SPTLC2: variants seen among roughly 807,000 people sequenced by gnomAD.
SPTLC2 encodes the protein serine palmitoyltransferase long chain base subunit 2.
In SPTLC2, 21 loss-of-function variants were observed where a neutral mutation model predicts 62.0. The observed-to-expected ratio is 0.34, with a 90% CI of 0.24 to 0.49. The LOEUF is 0.49. Among genes scored for constraint, SPTLC2 ranks in the 20% least tolerant of loss-of-function variants. SPTLC2 has a pLI of 0.99. For synonymous variants in SPTLC2, 261 were observed against 261.8 expected, an observed-to-expected ratio of 1.00 and a Z score of 0.03; for missense variants, 511 against 713.0, an observed-to-expected ratio of 0.72 and a Z score of 3.23.
chr14:77,579,214 A>C (rs2079734229), intron 2 of SPTLC2, 105 bp from the exon 3 acceptor site: 3 of 1,208,486 alleles, frequency 2.5e-6, no homozygotes, highest in South Asian at 2.6e-5. Context: ...ATGGGGTATA[A>C]GGGCAATTTC....
chr14:77,599,028 CTTCATCTTAAGTA>C (rs1462488798), intron 1 of SPTLC2, among the ~76,000 whole-genome samples: 1 of 152,174 alleles, frequency 6.6e-6, no homozygotes, highest in African/African-American at 2.4e-5. Context: ...TTCTGTCCCC[CTTCATCTTAAGTA>C]TTCATTCCCA....
intron 9 of SPTLC2, among the ~76,000 whole-genome samples, chr14:77,530,003 A>G (rs1168175062): frequency 6.6e-6 from 1 of 152,222 alleles, no homozygotes; most frequent in African/African-American, 2.4e-5. Flanking sequence ...AGTCTATCAT[A>G]AACAAATGAA....
Position 77,510,072 on chromosome 14 carries a change from G to A in SPTLC2, c.*2212C>T, listed in dbSNP as rs1395317891. The A allele has an allele frequency of 2.5e-6, 1 of 396,998 alleles. No individual in the cohort carries two copies. The highest frequency in any genetic ancestry group is 4.4e-6 in the Non-Finnish European group (1 of 225,374). 24.6% of individuals were successfully genotyped at this position (396,998 alleles called of 1,614,324 possible). Reference sequence around the variant, plus strand: ...TGTGGTATTCCAGTGGGATTCTATGGTAGGAAACTAGATGTGCAGAAAAGG... The same window carrying A: ...TGTGGTATTCCAGTGGGATTCTATGATAGGAAACTAGATGTGCAGAAAAGG... On this transcript the variant is annotated 3_prime_UTR_variant, in exon 12 of 12. Coordinates refer to ENST00000216484, the MANE Select transcript of SPTLC2 (RefSeq NM_004863.4).
In SPTLC2 at chr14:77,511,036, A is replaced by C. The variant is rs1480354180; in HGVS notation, c.*1248T>G. On this transcript the variant is annotated 3_prime_UTR_variant, in exon 12 of 12. Coordinates refer to ENST00000216484, the MANE Select transcript of SPTLC2 (RefSeq NM_004863.4). ...CAGTCAAAATAGAAAATGTCAGTTT[A>C]GGAAAGAGATCTATGTGTTCAGAAT... 1 of 152,468 alleles carries C rather than the reference A, an allele frequency of 6.6e-6. No homozygotes were observed. The highest frequency in any genetic ancestry group is 6.5e-5 in the Admixed American group (1 of 15,278). The allele number at this position is 152,468 out of a possible 1,614,324, so 9.4% of individuals were successfully genotyped here.
chr14:77,542,063 G>GA (rs11402118), intron 9 of SPTLC2, among the ~76,000 whole-genome samples: 4,864 of 120,252 alleles, frequency 0.04, 299 homozygotes, highest in African/African-American at 0.13. Flanking sequence ...TCTGTGTCCG[G>GA]AAAAAAAAAA....
chr14:77,612,632 G>A (rs748763936), intron 1 of SPTLC2, among the ~76,000 whole-genome samples: 41 of 152,054 alleles, frequency 2.7e-4, no homozygotes, highest in Non-Finnish European at 5.6e-4. Flanking sequence ...CATAACTATC[G>A]TCTCCTTTTC....
intron 9 of SPTLC2, among the ~76,000 whole-genome samples, chr14:77,533,118 T>A (rs2079449567): frequency 6.6e-6 from 1 of 151,948 alleles, no homozygotes; most frequent in South Asian, 2.1e-4. Context: ...ACCAACATGG[T>A]GAAACCCTGT....
At chr14:77,551,168 C>A (rs541566157) in intron 9 of SPTLC2, among the ~76,000 whole-genome samples, 2 of 151,886 alleles carry the variant, frequency 1.3e-5, no homozygotes, top group African/African-American at 2.4e-5. Flanking sequence ...CCGAGGAGGG[C>A]GGATCACGAG....
chr14:77,529,253 CTT>C (rs67561245), intron 9 of SPTLC2, among the ~76,000 whole-genome samples: 15,045 of 121,994 alleles, frequency 0.12, 1,277 homozygotes, highest in African/African-American at 0.26. Flanking sequence ...AAAACTTCTT[CTT>C]TTTTTTTTTT....
chr14:77,584,744 A>G (rs1164908172), intron 2 of SPTLC2, among the ~76,000 whole-genome samples: 1 of 152,132 alleles, frequency 6.6e-6, no homozygotes, highest in Non-Finnish European at 1.5e-5. Context: ...TTCTTTTCCT[A>G]TGTTCTGCAT....
chr14:77,535,009 C>A (rs1419478838), intron 9 of SPTLC2, among the ~76,000 whole-genome samples: 1 of 152,098 alleles, frequency 6.6e-6, no homozygotes, highest in Admixed American at 6.5e-5. Context: ...TCACTGCAAC[C>A]CTCCGCCTCC....
At chr14:77,528,456 C>T (rs1040070141) in intron 9 of SPTLC2, among the ~76,000 whole-genome samples, 9 of 152,138 alleles carry the variant, frequency 5.9e-5, no homozygotes, top group African/African-American at 2.2e-4. Context: ...GTCTCGAACT[C>T]CTGACCTCAG....
At chr14:77,608,847 G>T (rs2079919217) in intron 1 of SPTLC2, among the ~76,000 whole-genome samples, 1 of 151,506 alleles carries the variant, frequency 6.6e-6, no homozygotes, top group South Asian at 2.1e-4. Flanking sequence ...TGAACTTGGA[G>T]GCGGAGGTTG....
intron 8 of SPTLC2, among the ~76,000 whole-genome samples, chr14:77,552,575 G>C (rs138481595): frequency 1.3e-5 from 2 of 152,142 alleles, no homozygotes; most frequent in Non-Finnish European, 2.9e-5. Context: ...GGAGGCCAAG[G>C]TGGGTGGATC....
intron 2 of SPTLC2, among the ~76,000 whole-genome samples, chr14:77,585,386 C>A (rs2079775536): frequency 6.6e-6 from 1 of 152,194 alleles, no homozygotes; most frequent in South Asian, 2.1e-4. Context: ...CAAACTAACA[C>A]TATTAGTGGT....
At chr14:77,578,444 C>T (rs539184630) in intron 3 of SPTLC2, among the ~76,000 whole-genome samples, 4 of 151,792 alleles carry the variant, frequency 2.6e-5, no homozygotes, top group East Asian at 1.9e-4. Context: ...AGGCTGGGCG[C>T]GGTGACTCAT....
At chr14:77,566,239 T>C (rs2079644383) in intron 5 of SPTLC2, among the ~76,000 whole-genome samples, 1 of 152,214 alleles carries the variant, frequency 6.6e-6, no homozygotes, top group Non-Finnish European at 1.5e-5. Context: ...CTTTTTCCCT[T>C]AGAACTTATT....
At chr14:77,606,568 T>C (rs1412097704) in intron 1 of SPTLC2, among the ~76,000 whole-genome samples, 2 of 152,142 alleles carry the variant, frequency 1.3e-5, no homozygotes, top group African/African-American at 2.4e-5. Context: ...AAATAATTTT[T>C]CAACATTAAA....
intron 2 of SPTLC2, among the ~76,000 whole-genome samples, chr14:77,591,591 C>T (rs956516258): frequency 6.6e-6 from 1 of 152,086 alleles, no homozygotes; most frequent in African/African-American, 2.4e-5. Flanking sequence ...TAGACAATCT[C>T]GCTCCATTGT....
Sources: gnomAD v4.1 joint callset for allele counts (sites outside exome capture counted in the v4.1 genomes callset) on GRCh38, gnomAD v4.1.1 for gene constraint, MANE v1.5 for transcripts, NCBI Gene and HGNC (gene_info 2026-07-23, HGNC 2026-07-21) for gene names.